FIGNL2: variants seen among roughly 807,000 people sequenced by gnomAD.
FIGNL2 encodes the protein fidgetin like 2.
For synonymous variants in FIGNL2, 565 were observed against 484.0 expected (o/e 1.17, Z -2.20); for missense variants, 1,060 against 950.2 (o/e 1.12, Z -1.52).
chr12:51,842,402 G>T (rs1474333293), intron 1 of FIGNL2, among the ~76,000 whole-genome samples: 1 of 152,194 alleles, frequency 6.6e-6, no homozygotes. Context: ...TTCCCAGGGA[G>T]CCCCTTTGCT....
Position 51,820,018 on chromosome 12 carries a change from C to A in FIGNL2, c.*434G>T. 5.2e-6 allele frequency: 1 copy of A among 194,018 alleles called. No homozygotes were observed. The highest frequency in any genetic ancestry group is 2.4e-5 in the African/African-American group (1 of 41,704). 12.0% of individuals were successfully genotyped at this position (194,018 alleles called of 1,614,324 possible). ...AGAAACAGGGCCAGCATGGGGTGGG[C>A]AGGGGTGTCAGCGACAAAGCAAAAG... is the stretch of plus-strand genomic sequence containing the variant. On this transcript the variant is annotated 3_prime_UTR_variant, in exon 2 of 2. Coordinates refer to ENST00000618634, the MANE Select transcript of FIGNL2 (RefSeq NM_001384995.1).
In FIGNL2 at chr12:51,847,122, T is replaced by G. The variant is rs888738857; in HGVS notation, c.-12+1418A>C. On this transcript the variant is annotated intron_variant, in intron 1 of 1. Transcript: ENST00000618634. ...ACCGGGCAGCCCGGCGCGCCCGTCC[T>G]TGGGGGCTCAGGCACAGCGGGGAAT... 2.4e-5 allele frequency: 24 copies of G among 985,232 alleles called. No individual in the cohort carries two copies. In the African/African-American group the frequency reaches 3.8e-4, roughly 16 times the overall value. 61.0% of individuals were successfully genotyped at this position (985,232 alleles called of 1,614,324 possible).
At chr12:51,836,902 G>T (rs529860812) in intron 1 of FIGNL2, among the ~76,000 whole-genome samples, 1 of 152,088 alleles carries the variant, frequency 6.6e-6, no homozygotes, top group African/African-American at 2.4e-5. Flanking sequence ...ATGCCGGTGG[G>T]TGGGTGCGCA....
chr12:51,845,459 CG>C lies in FIGNL2; in HGVS notation c.-12+3080del, dbSNP rs970270245. ...CCATACTTGACCTCTTGTGGCTCAC[CG>C]CCCCCCCCCCACAGTCTCTGTCCCC... On this transcript the variant is annotated intron_variant, in intron 1 of 1. Transcript: ENST00000618634. 4.3e-6 allele frequency: 4 copies of C among 922,298 alleles called. No homozygotes were observed. In the African/African-American group the frequency reaches 8.5e-5, roughly 20 times the overall value. The allele number at this position is 922,298 out of a possible 1,614,324, so 57.1% of individuals were successfully genotyped here. A position where few individuals can be genotyped will look rare whatever the true frequency, so the allele number is the denominator to read the frequency against.
intron 1 of FIGNL2, among the ~76,000 whole-genome samples, chr12:51,829,700 T>A (rs1939414509): frequency 6.6e-6 from 1 of 151,160 alleles, no homozygotes; most frequent in Non-Finnish European, 1.5e-5. Context: ...TTGGGACCCA[T>A]GCCTGCAGAC....
intron 1 of FIGNL2, among the ~76,000 whole-genome samples, chr12:51,833,956 G>A (rs1261391373): frequency 6.6e-6 from 1 of 151,794 alleles, no homozygotes; most frequent in African/African-American, 2.4e-5. Flanking sequence ...CAGACGGACG[G>A]ATGGATGGAT....
intron 1 of FIGNL2, chr12:51,848,207 C>T: frequency 2.0e-5 from 20 of 984,868 alleles, no homozygotes; most frequent in Non-Finnish European, 2.4e-5. Context: ...TGGCTCCCCA[C>T]CCCCAGGCCA....
Position 51,845,473 on chromosome 12 carries a change from A to G in FIGNL2, c.-12+3067T>C, listed in dbSNP as rs887992364. 3 of 975,848 alleles carry G rather than the reference A, an allele frequency of 3.1e-6. No homozygotes were observed. In the African/African-American group the frequency reaches 5.3e-5, roughly 17 times the overall value. 60.4% of individuals were successfully genotyped at this position (975,848 alleles called of 1,614,324 possible). A position where few individuals can be genotyped will look rare whatever the true frequency, so the allele number is the denominator to read the frequency against. On this transcript the variant is annotated intron_variant, in intron 1 of 1. Coordinates refer to ENST00000618634, the MANE Select transcript of FIGNL2 (RefSeq NM_001384995.1). ...TTGTGGCTCACCGCCCCCCCCCCACAGTCTCTGTCCCCTGAAGGGGGTCTC... is the reference window on the plus strand; with the variant it reads ...TTGTGGCTCACCGCCCCCCCCCCACGGTCTCTGTCCCCTGAAGGGGGTCTC...
chr12:51,820,373 T>G lies in FIGNL2; in HGVS notation c.*79A>C. On this transcript the variant is annotated 3_prime_UTR_variant, in exon 2 of 2. Coordinates refer to ENST00000618634, the MANE Select transcript of FIGNL2 (RefSeq NM_001384995.1). ...ACCACTCCAGCCCCTGCCAGCCGGG[T>G]TTAGTCAGTGACATCCCTCCCACGC... 1 of 1,522,092 alleles carries G rather than the reference T, an allele frequency of 6.6e-7. No individual in the cohort carries two copies. Among genetic ancestry groups the G allele is most frequent in the Non-Finnish European group, 8.8e-7 (1 of 1,139,524 alleles). 94.3% of individuals were successfully genotyped at this position (1,522,092 alleles called of 1,614,324 possible). A position where few individuals can be genotyped will look rare whatever the true frequency, so the allele number is the denominator to read the frequency against.
Position 51,822,041 on chromosome 12 carries a change from C to G in FIGNL2, c.373G>C (p.Gly125Arg). ...LPGTKSGGGG[G>R]SGALGGSPVL... The stretch of plus-strand genomic sequence containing the variant: ...GGGGAGCCCCCCAGGGCCCCGGAAC[C>G]GCCGCCACCGCCCGATTTGGTTCCT... Residue 125 changes from glycine to arginine, a missense_variant, in exon 2 of 2, where the codon GGT becomes CGT. By Grantham distance (125) the Gly-to-Arg change is moderately radical. Coordinates refer to ENST00000618634, the MANE Select transcript of FIGNL2 (RefSeq NM_001384995.1). 6.2e-7 allele frequency: 1 copy of G among 1,607,414 alleles called. No homozygotes were observed. The highest frequency in any genetic ancestry group is 8.5e-7 in the Non-Finnish European group (1 of 1,177,492).
chr12:51,845,207 A>G (rs1005622896), intron 1 of FIGNL2, among the ~76,000 whole-genome samples: 29 of 152,212 alleles, frequency 1.9e-4, no homozygotes, highest in African/African-American at 6.8e-4. Context: ...TTCCTGGGTT[A>G]TATATGGGTT....
chr12:51,833,950 C>CAAAT (rs1414478578), intron 1 of FIGNL2, among the ~76,000 whole-genome samples: 1 of 135,852 alleles, frequency 7.4e-6, no homozygotes, highest in African/African-American at 2.7e-5. Flanking sequence ...GATGGACAGA[C>CAAAT]GGACGGATGG....
Position 51,821,942 on chromosome 12 carries a change from A to G in FIGNL2, c.472T>C (p.Tyr158His), listed in dbSNP as rs1251835510. ...TACCCCCCGCCGTAGCCGGCCGCGT[A>G]CTCGGGCGCCGCCGATGGGCCCCCG... is the stretch of plus-strand genomic sequence containing the variant. ...ACGGPSAAPEYAAGYGGGYLA... is the reference protein window; with the variant it reads ...ACGGPSAAPEHAAGYGGGYLA... The change falls in exon 2 of 2, where the codon TAC becomes CAC. Residue 158 changes from tyrosine (Y) to histidine (H), a missense_variant. Coordinates refer to ENST00000618634, the MANE Select transcript of FIGNL2 (RefSeq NM_001384995.1). The G allele has an allele frequency of 6.6e-7, 1 of 1,520,580 alleles. No homozygotes were observed. The highest frequency in any genetic ancestry group is 2.2e-5 in the Admixed American group (1 of 45,466). 94.2% of individuals were successfully genotyped at this position (1,520,580 alleles called of 1,614,324 possible).
intron 1 of FIGNL2, among the ~76,000 whole-genome samples, chr12:51,828,925 A>G (rs528869188): frequency 6.6e-6 from 1 of 152,286 alleles, no homozygotes; most frequent in African/African-American, 2.4e-5. Context: ...AGAAACCCCA[A>G]CAACACAGCA....
At chr12:51,843,113 C>T (rs1939688108) in intron 1 of FIGNL2, among the ~76,000 whole-genome samples, 1 of 152,192 alleles carries the variant, frequency 6.6e-6, no homozygotes, top group Non-Finnish European at 1.5e-5. Context: ...GAGCCTGGTC[C>T]ATAGGTGTCC....
At chr12:51,834,363 T>C (rs1049122596) in intron 1 of FIGNL2, among the ~76,000 whole-genome samples, 1 of 152,034 alleles carries the variant, frequency 6.6e-6, no homozygotes, top group Non-Finnish European at 1.5e-5. Context: ...CCCCAGAGAC[T>C]CCACAGGGCC....
chr12:51,820,458 T>TC lies in FIGNL2; in HGVS notation c.1955dup (p.His653ThrfsTer27). 6.3e-7 allele frequency: 1 copy of TC among 1,588,494 alleles called. No homozygotes were observed. Among genetic ancestry groups the TC allele is most frequent in the Non-Finnish European group, 8.5e-7 (1 of 1,175,338 alleles). On this transcript the variant is annotated frameshift_variant, in exon 2 of 2. Transcript: ENST00000618634. LOFTEE classifies it high-confidence loss of function. ...CGGCCTCCCCCGCGCGCCGTCAGTG[T>TC]CCGGAGCCGTACATTTTGTCCCACT...
At position 51,820,673 on chromosome 12, in the gene FIGNL2, G is replaced by A; in HGVS notation, c.1741C>T (p.Arg581Trp). ...CCCTGCACCAGCGCCGCCAGTTCCC[G>A]CTCACTGAGCGCGCAGCCCTGCTGG... is the stretch of plus-strand genomic sequence containing the variant. ...LAQQGCALSE[R>W]ELAALVQGTQ... The change falls in exon 2 of 2, where the codon CGG (arginine) becomes TGG (tryptophan). Residue 581 changes from arginine to tryptophan, a missense_variant. Coordinates refer to ENST00000618634, the MANE Select transcript of FIGNL2 (RefSeq NM_001384995.1). 6.6e-7 allele frequency: 1 copy of A among 1,513,048 alleles called. No homozygotes were observed. The allele number at this position is 1,513,048 out of a possible 1,614,324, so 93.7% of individuals were successfully genotyped here. A position where few individuals can be genotyped will look rare whatever the true frequency, so the allele number is the denominator to read the frequency against.
chr12:51,835,728 G>A (rs536136188), intron 1 of FIGNL2, among the ~76,000 whole-genome samples: 16 of 152,146 alleles, frequency 1.1e-4, no homozygotes, highest in African/African-American at 3.1e-4. Flanking sequence ...TCTATCGGAC[G>A]GAGCTGCTCT....
Sources: allele counts gnomAD v4.1 joint callset (sites outside exome capture counted in the v4.1 genomes callset), GRCh38; gene constraint gnomAD v4.1.1; transcripts MANE v1.5; gene names NCBI Gene and HGNC (gene_info 2026-07-23, HGNC 2026-07-21).